ASIC2: variants seen among roughly 807,000 people sequenced by gnomAD.
ASIC2 encodes acid sensing ion channel subunit 2.
A neutral mutation model predicts 57.3 loss-of-function variants in ASIC2; 25 were observed. That is an observed-to-expected ratio of 0.44 (90% confidence interval 0.32 to 0.61). The LOEUF (loss-of-function observed/expected upper bound fraction) is 0.61, where lower values mean the gene tolerates loss of function less well. ASIC2 is among the 20% of genes least tolerant of loss of function. ASIC2 has a pLI of 0.06. For missense variants in ASIC2, 641 were observed against 738.1 expected, an observed-to-expected ratio of 0.87 and a Z score of 1.52; for synonymous variants, 319 against 307.5, an observed-to-expected ratio of 1.04 and a Z score of -0.39.
intron 3 of ASIC2, among the ~76,000 whole-genome samples, chr17:33,029,457 G>A (rs902599587): frequency 1.3e-5 from 2 of 152,226 alleles, no homozygotes; most frequent in African/African-American, 4.8e-5. Context: ...TGCACCAGGA[G>A]TTCTTTCCTT....
At chr17:33,789,311 T>C (rs986549949) in intron 1 of ASIC2, among the ~76,000 whole-genome samples, 2 of 152,224 alleles carry the variant, frequency 1.3e-5, no homozygotes, top group African/African-American at 4.8e-5. Context: ...TTAATAATGA[T>C]TGACATTTGC....
intron 1 of ASIC2, among the ~76,000 whole-genome samples, chr17:34,050,199 C>T (rs972650213): frequency 1.3e-5 from 2 of 152,192 alleles, no homozygotes; most frequent in African/African-American, 4.8e-5. Flanking sequence ...CATCTTCTCT[C>T]ATGAGACAAG....
chr17:33,082,007 G>T (rs1292740946), intron 3 of ASIC2, among the ~76,000 whole-genome samples: 1 of 152,154 alleles, frequency 6.6e-6, no homozygotes, highest in Non-Finnish European at 1.5e-5. Context: ...GGCATTCTCA[G>T]GGCACTTTAG....
intron 1 of ASIC2, among the ~76,000 whole-genome samples, chr17:33,264,723 T>C (rs1031171262): frequency 9.9e-5 from 15 of 152,258 alleles, no homozygotes; most frequent in African/African-American, 3.1e-4. Flanking sequence ...CTCAGTTCCC[T>C]TCTCTGGGCT....
At chr17:33,045,603 C>A (rs1384024774) in intron 3 of ASIC2, among the ~76,000 whole-genome samples, 3 of 152,098 alleles carry the variant, frequency 2.0e-5, no homozygotes, top group Non-Finnish European at 4.4e-5. Flanking sequence ...CAGCCACAGG[C>A]TAGGATATCA....
chr17:33,676,632 G>A (rs908029248), intron 1 of ASIC2, among the ~76,000 whole-genome samples: 7 of 152,362 alleles, frequency 4.6e-5, no homozygotes, highest in South Asian at 4.1e-4. Context: ...TGCAGAAGTA[G>A]TTTGAAGCTA....
chr17:33,303,802 G>A (rs770078802), intron 1 of ASIC2, among the ~76,000 whole-genome samples: 3 of 151,726 alleles, frequency 2.0e-5, no homozygotes, highest in Non-Finnish European at 2.9e-5. Flanking sequence ...CAGTGCTTAC[G>A]TTTATTCATT....
At chr17:33,097,595 C>A (rs1265390088) in intron 2 of ASIC2, among the ~76,000 whole-genome samples, 2 of 152,212 alleles carry the variant, frequency 1.3e-5, no homozygotes, top group Non-Finnish European at 2.9e-5. Context: ...GGATCCAGGT[C>A]TCTAGATTCC....
At chr17:33,531,360 G>T (rs17836848) in intron 1 of ASIC2, among the ~76,000 whole-genome samples, 11,592 of 152,176 alleles carry the variant, frequency 0.076, 641 homozygotes, top group East Asian at 0.29. Flanking sequence ...TATCTGTACC[G>T]ACCTGACATC....
At chr17:33,977,147 C>T (rs1905421302) in intron 1 of ASIC2, among the ~76,000 whole-genome samples, 1 of 151,894 alleles carries the variant, frequency 6.6e-6, no homozygotes, top group Non-Finnish European at 1.5e-5. Context: ...AGAGATATTC[C>T]CTACACCGAG....
chr17:33,277,029 T>G (rs1043512734), intron 1 of ASIC2, among the ~76,000 whole-genome samples: 1 of 152,204 alleles, frequency 6.6e-6, no homozygotes, highest in African/African-American at 2.4e-5. Context: ...ATTTAGGAGC[T>G]TGACAGGAAT....
Position 33,023,949 on chromosome 17 carries a change from T to C in ASIC2, c.1261A>G (p.Asn421Asp), listed in dbSNP as rs774942697. The change falls in exon 6 of 10, where the codon AAC (asparagine) becomes GAC (aspartate). Residue 421 changes from asparagine (N) to aspartate (D), a missense_variant. Asn to Asp is a conservative substitution (Grantham distance 23, BLOSUM62 1). This residue lies in a region of ASIC2 where 252 missense variants were observed against 319.8 expected (regional missense o/e 0.79). Coordinates refer to ENST00000225823, the MANE Select transcript of ASIC2 (RefSeq NM_183377.2). Reference protein sequence around the residue: ...CRTPCNLTRYNKELSMVKIPS... With the variant: ...CRTPCNLTRYDKELSMVKIPS... ...ATCTTCACCATGGAGAGCTCTTTGT[T>C]GTAGCGGGTTAGGTTGCAGGGTGTC... is the stretch of plus-strand genomic sequence containing the variant. 6.8e-6 allele frequency: 11 copies of C among 1,614,114 alleles called. No individual in the cohort carries two copies. In the South Asian group the frequency reaches 1.2e-4, roughly 18 times the overall value.
chr17:33,059,522 G>A (rs1260802093), intron 3 of ASIC2, among the ~76,000 whole-genome samples: 1 of 152,184 alleles, frequency 6.6e-6, no homozygotes, highest in African/African-American at 2.4e-5. Context: ...GTATTCCATG[G>A]TGTATATATG....
At chr17:33,754,992 A>G (rs1038951548) in intron 1 of ASIC2, among the ~76,000 whole-genome samples, 15 of 141,904 alleles carry the variant, frequency 1.1e-4, no homozygotes, top group Admixed American at 6.3e-4. Flanking sequence ...ACAGTTCCCT[A>G]TAGACAGTGA....
At chr17:34,099,106 G>GAA (rs1289344373) in intron 1 of ASIC2, among the ~76,000 whole-genome samples, 3 of 21,658 alleles carry the variant, frequency 1.4e-4, no homozygotes, top group African/African-American at 5.2e-4. Context: ...AGAGAAAAGA[G>GAA]AGAGAGAGAG....
chr17:33,315,255 A>C (rs1906598370), intron 1 of ASIC2, among the ~76,000 whole-genome samples: 1 of 152,248 alleles, frequency 6.6e-6, no homozygotes, highest in Non-Finnish European at 1.5e-5. Flanking sequence ...AAAAATGTGC[A>C]GAAGAATAAT....
rs921081596 is a variant in ASIC2 at position 34,053,257 on chromosome 17, C to T, written c.555+102721G>A. 5.9e-5 allele frequency among the ~76,000 whole-genome samples: 9 copies of T among 152,288 alleles called. No individual in the cohort carries two copies. In the East Asian group the frequency reaches 7.7e-4, roughly 13 times the overall value. On this transcript the variant is annotated intron_variant, in intron 1 of 9. Transcript: ENST00000359872. ...TTATGATCGTATATTAAGTTTAATG[C>T]GTCCACAGGCATTTTACACACTCAT...
intron 1 of ASIC2, among the ~76,000 whole-genome samples, chr17:33,590,026 C>T (rs1020282155): frequency 2.6e-5 from 4 of 152,178 alleles, no homozygotes; most frequent in African/African-American, 9.7e-5. Flanking sequence ...TAATCTCTCA[C>T]TTGTCCCTCC....
intron 1 of ASIC2, among the ~76,000 whole-genome samples, chr17:33,868,921 C>T (rs1914316673): frequency 6.6e-6 from 1 of 152,046 alleles, no homozygotes; most frequent in African/African-American, 2.4e-5. Flanking sequence ...AAAACTTAGC[C>T]TGGCATGATG....
Sources: gnomAD v4.1 joint callset for allele counts (sites outside exome capture counted in the v4.1 genomes callset) on GRCh38, gnomAD v4.1.1 for gene constraint, gnomAD v4.1.1 regional missense constraint, MANE v1.5 for transcripts, NCBI Gene and HGNC (gene_info 2026-07-23, HGNC 2026-07-21) for gene names.